Variants in CTTNBP2NL observed in about 807,000 individuals in gnomAD.
The protein encoded by CTTNBP2NL is CTTNBP2 N-terminal like, also known as CTTNBP2 N-terminal-like protein.
Under a neutral mutation model 32.5 loss-of-function variants are expected in CTTNBP2NL, and 16 were observed. The ratio of observed to expected loss-of-function variants is 0.49; its 90% CI spans 0.33 to 0.75. The LOEUF (loss-of-function observed/expected upper bound fraction) is 0.75, where lower values mean the gene tolerates loss of function less well. CTTNBP2NL is among the 30% of genes least tolerant of loss of function. The pLI, the probability that CTTNBP2NL is intolerant of heterozygous loss-of-function variation, is 0.02. For missense variants in CTTNBP2NL, 645 were observed against 756.0 expected (o/e 0.85, Z 1.72); for synonymous variants, 298 against 289.4 (o/e 1.03, Z -0.30).
chr1:112,394,220 A>AG (rs1244303719), upstream of CTTNBP2NL, among the ~76,000 whole-genome samples: 34 of 151,930 alleles, frequency 2.2e-4, no homozygotes, highest in African/African-American at 7.7e-4. Flanking sequence ...AAAAAAAAAA[A>AG]AAAGAAAAGA....
rs1294392367 is a variant in CTTNBP2NL at position 112,457,885 on chromosome 1, T to C, written c.*473T>C. On this transcript the variant is annotated 3_prime_UTR_variant, in exon 6 of 6. Transcript: ENST00000271277. ...TAATTACAGAAAATGAGATCCTCTG[T>C]GAATTCTGAATGTTAAAAACCAACA... The C allele has an allele frequency of 1.3e-5, 2 of 154,666 alleles. No homozygotes were observed. The highest frequency in any genetic ancestry group is 2.9e-5 in the Non-Finnish European group (2 of 69,442). The allele number at this position is 154,666 out of a possible 1,614,324, so 9.6% of individuals were successfully genotyped here. A position where few individuals can be genotyped will look rare whatever the true frequency, so the allele number is the denominator to read the frequency against.
At chr1:112,454,002 G>T (rs963239514) in intron 4 of CTTNBP2NL, among the ~76,000 whole-genome samples, 1 of 152,136 alleles carries the variant, frequency 6.6e-6, no homozygotes, top group Non-Finnish European at 1.5e-5. Flanking sequence ...TTGAAATGTT[G>T]AATTTCAGGC....
chr1:112,400,374 G>A (rs1049234165), intron 1 of CTTNBP2NL, among the ~76,000 whole-genome samples: 4 of 152,212 alleles, frequency 2.6e-5, no homozygotes, highest in Non-Finnish European at 5.9e-5. Flanking sequence ...AGGATTACAC[G>A]AATAGGCCAG....
At chr1:112,448,865 A>G in intron 3 of CTTNBP2NL, 77 bp from the exon 4 acceptor site, 2 of 800,082 alleles carry the variant, frequency 2.5e-6, no homozygotes, top group Non-Finnish European at 4.3e-6. Flanking sequence ...CCTTTAATGT[A>G]TAACCACTGG....
At chr1:112,424,744 C>A (rs1649339507) in intron 3 of CTTNBP2NL, among the ~76,000 whole-genome samples, 1 of 151,932 alleles carries the variant, frequency 6.6e-6, no homozygotes, top group Non-Finnish European at 1.5e-5. Flanking sequence ...TTTTTTTTGT[C>A]AGATTTACCC....
chr1:112,408,722 TG>T (rs1271775270), intron 1 of CTTNBP2NL, among the ~76,000 whole-genome samples: 4 of 152,218 alleles, frequency 2.6e-5, no homozygotes, highest in Non-Finnish European at 1.5e-5. Flanking sequence ...GAAAAGTACA[TG>T]ATCTAGTGGC....
At chr1:112,434,941 G>A (rs1311571869) in intron 3 of CTTNBP2NL, among the ~76,000 whole-genome samples, 4 of 151,908 alleles carry the variant, frequency 2.6e-5, no homozygotes, top group Admixed American at 6.6e-5. Context: ...TCAGGAGTTC[G>A]AGACTAGCTT....
At chr1:112,454,975 G>A (rs950457940) in intron 5 of CTTNBP2NL, among the ~76,000 whole-genome samples, 1 of 152,062 alleles carries the variant, frequency 6.6e-6, no homozygotes, top group Admixed American at 6.5e-5. Flanking sequence ...ACACAGTTAC[G>A]CCTGAAACAA....
intron 3 of CTTNBP2NL, among the ~76,000 whole-genome samples, chr1:112,425,075 C>T (rs1255743534): frequency 2.6e-5 from 4 of 151,864 alleles, no homozygotes; most frequent in African/African-American, 9.7e-5. Context: ...GTGATCCTCC[C>T]ACCTCACCCT....
At chr1:112,408,956 C>T (rs547900165) in intron 1 of CTTNBP2NL, among the ~76,000 whole-genome samples, 4 of 151,898 alleles carry the variant, frequency 2.6e-5, no homozygotes, top group East Asian at 3.9e-4. Flanking sequence ...GTGAGACCCC[C>T]GTCTCTACTA....
At position 112,461,076 on chromosome 1, in the gene CTTNBP2NL, A is replaced by G. The variant is rs1029859608; in HGVS notation, c.*3664A>G. ...GAATAATTTTTAATTTAATTTCTAT[A>G]AAACTAGTTGAGAAATGAGAGCCTG... On this transcript the variant is annotated 3_prime_UTR_variant, in exon 6 of 6. Transcript: ENST00000271277. 2.0e-5 allele frequency: 3 copies of G among 152,214 alleles called. No homozygotes were observed. The highest frequency in any genetic ancestry group is 7.2e-5 in the African/African-American group (3 of 41,440). The allele number at this position is 152,214 out of a possible 1,614,324, so 9.4% of individuals were successfully genotyped here. A position where few individuals can be genotyped will look rare whatever the true frequency, so the allele number is the denominator to read the frequency against.
At chr1:112,433,260 G>T (rs80045558) in intron 3 of CTTNBP2NL, among the ~76,000 whole-genome samples, 8,738 of 152,224 alleles carry the variant, frequency 0.057, 344 homozygotes, top group Middle Eastern at 0.092. Flanking sequence ...GTGGGGGTGT[G>T]TGTGTGTGTG....
intron 1 of CTTNBP2NL, among the ~76,000 whole-genome samples, chr1:112,405,016 G>C (rs958322720): frequency 1.4e-5 from 2 of 138,170 alleles, no homozygotes; most frequent in South Asian, 4.8e-4. Context: ...GCGGTGAGCC[G>C]AGGTTGCGCC....
intron 4 of CTTNBP2NL, among the ~76,000 whole-genome samples, chr1:112,451,634 T>G (rs1650222050): frequency 6.6e-6 from 1 of 151,244 alleles, no homozygotes; most frequent in African/African-American, 2.4e-5. Flanking sequence ...TAGCCAGGCA[T>G]GGTGGCGTTC....
upstream of CTTNBP2NL, among the ~76,000 whole-genome samples, chr1:112,391,744 C>T (rs1301758444): frequency 4.6e-5 from 7 of 152,164 alleles, no homozygotes; most frequent in Admixed American, 3.9e-4. Context: ...AATCCCAACA[C>T]TTTGGGAGGC....
intron 4 of CTTNBP2NL, among the ~76,000 whole-genome samples, chr1:112,452,094 C>T (rs1322823481): frequency 6.6e-6 from 1 of 151,938 alleles, no homozygotes; most frequent in Non-Finnish European, 1.5e-5. Context: ...CCACTTTTGG[C>T]CAAAAGCATG....
intron 3 of CTTNBP2NL, among the ~76,000 whole-genome samples, chr1:112,441,199 C>T (rs958164448): frequency 6.6e-6 from 1 of 152,182 alleles, no homozygotes; most frequent in Admixed American, 6.5e-5. Context: ...CCTTCCCAGT[C>T]AATCATCCCC....
Position 112,457,128 on chromosome 1 carries a change from A to G in CTTNBP2NL, c.1636A>G (p.Thr546Ala), listed in dbSNP as rs1345200386. The change falls in exon 6 of 6, where the codon ACA becomes GCA. Residue 546 changes from threonine (T) to alanine (A), a missense_variant. Physicochemically the swap from Thr to Ala is moderately conservative, Grantham distance 58. Transcript: ENST00000271277. ...LANTANPRGD[T>A]SHSPTPGKVS... ...CAACACTGCCAATCCAAGAGGTGAC[A>G]CAAGCCATTCACCTACTCCAGGGAA... 4.3e-6 allele frequency: 7 copies of G among 1,614,052 alleles called. No homozygotes were observed. Among genetic ancestry groups the G allele is most frequent in the Non-Finnish European group, 5.9e-6 (7 of 1,180,022 alleles).
chr1:112,415,564 T>G (rs1022986126), intron 2 of CTTNBP2NL, among the ~76,000 whole-genome samples: 12 of 49,602 alleles, frequency 2.4e-4, no homozygotes, highest in African/African-American at 1.5e-3. Context: ...TTTTTTTGGT[T>G]TTTTTTTTTT....
Sources: allele counts gnomAD v4.1 joint callset (sites outside exome capture counted in the v4.1 genomes callset), GRCh38; gene constraint gnomAD v4.1.1; transcripts MANE v1.5; gene names NCBI Gene and HGNC (gene_info 2026-07-23, HGNC 2026-07-21).